GDPD3: variants seen among roughly 807,000 people sequenced by gnomAD.
The protein encoded by GDPD3 is lysophospholipase D GDPD3.
In GDPD3, 40 loss-of-function variants were observed where a neutral mutation model predicts 43.7. The observed-to-expected ratio is 0.91, with a 90% CI of 0.71 to 1.19. The LOEUF (loss-of-function observed/expected upper bound fraction) is 1.19. Ranked by LOEUF, GDPD3 falls within the 50% of genes most tolerant of loss-of-function variation. The probability of loss-of-function intolerance (pLI) is 0.00; values close to 1 mark genes in which losing one functional copy is unlikely to be tolerated. For synonymous variants in GDPD3, 145 were observed against 162.9 expected (o/e 0.89, Z 0.84); for missense variants, 363 against 415.8 (o/e 0.87, Z 1.11).
chr16:30,111,451 A>T lies in GDPD3; in HGVS notation c.644T>A (p.Leu215Gln), dbSNP rs762853220. 6.2e-6 allele frequency: 10 copies of T among 1,613,918 alleles called. No homozygotes were observed. In the African/African-American group the frequency reaches 1.2e-4, roughly 19 times the overall value. ...CTCAGGGATTGGGATGAAGGGCAGC[A>T]GCCCCAGGTAGTAGGAAAGCAGCAC... ...FWVLLSYYLG[L>Q]LPFIPIPEKF... Residue 215 changes from leucine to glutamine, a missense_variant, in exon 7 of 10, where the codon CTG becomes CAG. By Grantham distance (113) the Leu-to-Gln change is moderately radical. Transcript: ENST00000406256.
chr16:30,106,208 G>A (rs975581094), intron 9 of GDPD3, among the ~76,000 whole-genome samples: 1 of 152,144 alleles, frequency 6.6e-6, no homozygotes, highest in East Asian at 1.9e-4. Context: ...TCCTATTACT[G>A]TGTTCTTGAA....
At position 30,113,365 on chromosome 16, in the gene GDPD3, G is replaced by A; in HGVS notation, c.114C>T (p.Arg38=). 5 of 1,608,442 alleles carry A rather than the reference G, an allele frequency of 3.1e-6. No homozygotes were observed. Among genetic ancestry groups the A allele is most frequent in the Non-Finnish European group, 4.2e-6 (5 of 1,176,812 alleles). Residue 38 remains arginine (R), a synonymous_variant, in exon 1 of 10, where the codon CGC becomes CGT. Coordinates refer to ENST00000406256, the MANE Select transcript of GDPD3 (RefSeq NM_024307.3). This position sits in a 1 kb window ranked among gnomAD's most constrained non-coding sequence, Gnocchi z 5.9. ...CTCCTCGGTGGGCCCCCAGGCGGAT[G>A]CGGAAGGTGGGAGCCCTGGGCGTGT... ...LLHTPRAPTF[R]IRLGAHRGGS... is the part of the protein sequence containing the mutation.
chr16:30,111,019 C>G lies in GDPD3; in HGVS notation c.707+369G>C, dbSNP rs561661479. On this transcript the variant is annotated intron_variant, in intron 7 of 9. Transcript: ENST00000406256. ...TTTCCTGCTGAGGGTCTGAGACAGC[C>G]GTGCTATAATTAATGAACGAATGTC... 1.7e-3 allele frequency: 282 copies of G among 166,678 alleles called. 1 individual carries two copies. The highest frequency in any genetic ancestry group is 2.8e-3 in the Middle Eastern group (1 of 354). 10.3% of individuals were successfully genotyped at this position (166,678 alleles called of 1,614,324 possible). A position where few individuals can be genotyped will look rare whatever the true frequency, so the allele number is the denominator to read the frequency against.
chr16:30,106,580 G>A (rs2072862522), intron 9 of GDPD3, among the ~76,000 whole-genome samples: 1 of 152,118 alleles, frequency 6.6e-6, no homozygotes, highest in Non-Finnish European at 1.5e-5. Context: ...TGCCAACACT[G>A]GAGTGCAGTG....
rs547543193 is a variant in GDPD3, at chr16:30,113,435, T to C, written c.44A>G (p.Tyr15Cys). ...CAGGAAGAAGATGGAGAGCATGGCA[T>C]AGCTGCCCAGGGCAGGGAGGGCATA... ...LYYALPALGS[Y>C]AMLSIFFLRR... The change falls in exon 1 of 10, where the codon TAT becomes TGT. Residue 15 changes from tyrosine to cysteine, a missense_variant. Tyr to Cys is a radical substitution (Grantham distance 194). Transcript: ENST00000406256. The surrounding 1 kb of genome is among the most constrained non-coding windows in gnomAD (Gnocchi z 5.9). 58 of 1,610,446 alleles carry C rather than the reference T, an allele frequency of 3.6e-5. No homozygotes were observed. The highest frequency in any genetic ancestry group is 3.3e-4 in the African/African-American group (25 of 74,966).
At chr16:30,105,326 A>G (rs916816836) in intron 9 of GDPD3, among the ~76,000 whole-genome samples, 2 of 151,940 alleles carry the variant, frequency 1.3e-5, no homozygotes, top group Non-Finnish European at 2.9e-5. Flanking sequence ...GTGTGGTGGT[A>G]TGCGCCTGTG....
chr16:30,112,942 G>C lies in GDPD3; in HGVS notation c.182+80C>G. On this transcript the variant is annotated intron_variant, in intron 2 of 9. Coordinates refer to ENST00000406256, the MANE Select transcript of GDPD3 (RefSeq NM_024307.3). The surrounding 1 kb of genome is among the most constrained non-coding windows in gnomAD (Gnocchi z 5.4). ...GGCGCCAGTCACCCAGCTAGGAAGT[G>C]AATGGCGTCCCTTGCTGTGATGCAG... 6.6e-7 allele frequency: 1 copy of C among 1,514,350 alleles called. No individual in the cohort carries two copies. The highest frequency in any genetic ancestry group is 1.7e-5 in the Admixed American group (1 of 57,246). 93.8% of individuals were successfully genotyped at this position (1,514,350 alleles called of 1,614,324 possible). A position where few individuals can be genotyped will look rare whatever the true frequency, so the allele number is the denominator to read the frequency against.
At chr16:30,105,293 CT>C (rs1031131807) in intron 9 of GDPD3, among the ~76,000 whole-genome samples, 2 of 151,886 alleles carry the variant, frequency 1.3e-5, no homozygotes, top group Admixed American at 6.6e-5. Context: ...CTACAAAAAA[CT>C]TTGTAAAAAT....
At chr16:30,111,588 C>CA in intron 6 of GDPD3, 67 bp from the exon 7 acceptor site, 1 of 1,566,940 alleles carries the variant, frequency 6.4e-7, no homozygotes. Flanking sequence ...GCATGAGCTG[C>CA]AGGGGAGCCG....
At chr16:30,108,832 A>T (rs1002689126) in intron 7 of GDPD3, among the ~76,000 whole-genome samples, 5 of 151,572 alleles carry the variant, frequency 3.3e-5, no homozygotes, top group African/African-American at 4.8e-5. Flanking sequence ...ATTAATTTAA[A>T]TTAATTTTTT....
intron 9 of GDPD3, among the ~76,000 whole-genome samples, chr16:30,105,456 C>CAA (rs371773622): frequency 4.0e-4 from 44 of 111,054 alleles, no homozygotes; most frequent in African/African-American, 1.3e-3. Flanking sequence ...GACCTCGTCT[C>CAA]AAAAAAAAAA....
chr16:30,108,979 C>T (rs1319763578), intron 7 of GDPD3, among the ~76,000 whole-genome samples: 2 of 151,590 alleles, frequency 1.3e-5, no homozygotes, highest in Non-Finnish European at 2.9e-5. Flanking sequence ...CTACAGGTGC[C>T]CGCCACCACG....
Position 30,112,813 on chromosome 16 carries a change from C to T in GDPD3, c.183-20G>A, listed in dbSNP as rs58842311. The T allele has an allele frequency of 8.1e-6, 13 of 1,600,972 alleles. No homozygotes were observed. The highest frequency in any genetic ancestry group is 2.7e-5 in the African/African-American group (2 of 73,842). On this transcript the variant is annotated intron_variant, in intron 2 of 9. Coordinates refer to ENST00000406256, the MANE Select transcript of GDPD3 (RefSeq NM_024307.3). This position sits in a 1 kb window ranked among gnomAD's most constrained non-coding sequence, Gnocchi z 5.4. ...ATGGAGCTGTGGGGGTGAAGGTCAG[C>T]GGGGGGCAGGGGCAGGGGACTGGGA... is the stretch of plus-strand genomic sequence containing the variant.
chr16:30,108,115 G>T, intron 9 of GDPD3, 98 bp downstream of exon 9: 1 of 1,034,246 alleles, frequency 9.7e-7, no homozygotes. Flanking sequence ...ACTGAGGTGA[G>T]GTCACCTGCC....
Position 30,112,229 on chromosome 16 carries a change from G to C in GDPD3, c.484-8C>G. The stretch of plus-strand genomic sequence containing the variant: ...TCTCACCAAGCCTGCTATCTGGGAG[G>C]AGGAGAAGGAGGTGAAGGGAGAGCC... On this transcript the variant is annotated splice_polypyrimidine_tract_variant and splice_region_variant and intron_variant, in intron 5 of 9. Transcript: ENST00000406256. This position sits in a 1 kb window ranked among gnomAD's most constrained non-coding sequence, Gnocchi z 5.4. The C allele has an allele frequency of 1.9e-6, 3 of 1,614,042 alleles. No individual in the cohort carries two copies. Among genetic ancestry groups the C allele is most frequent in the Non-Finnish European group, 2.5e-6 (3 of 1,179,872 alleles).
chr16:30,105,054 A>C, intron 9 of GDPD3, 45 bp from the exon 10 acceptor site: 2 of 1,537,236 alleles, frequency 1.3e-6, no homozygotes, highest in Non-Finnish European at 1.8e-6. Context: ...ACAATTTTAC[A>C]TCTGGAGAGT....
Position 30,112,946 on chromosome 16 carries a change from G to A in GDPD3, c.182+76C>T, listed in dbSNP as rs1161405237. On this transcript the variant is annotated intron_variant, in intron 2 of 9. Coordinates refer to ENST00000406256, the MANE Select transcript of GDPD3 (RefSeq NM_024307.3). This position sits in a 1 kb window ranked among gnomAD's most constrained non-coding sequence, Gnocchi z 5.4. ...CCAGTCACCCAGCTAGGAAGTGAAT[G>A]GCGTCCCTTGCTGTGATGCAGTCCA... 2 of 1,518,270 alleles carry A rather than the reference G, an allele frequency of 1.3e-6. No homozygotes were observed. Among genetic ancestry groups the A allele is most frequent in the African/African-American group, 2.7e-5 (2 of 73,174 alleles). 94.0% of individuals were successfully genotyped at this position (1,518,270 alleles called of 1,614,324 possible).
rs1016148599 is a variant in GDPD3, at chr16:30,105,795, G to A, written c.820-786C>T. On this transcript the variant is annotated intron_variant, in intron 9 of 9. Coordinates refer to ENST00000406256, the MANE Select transcript of GDPD3 (RefSeq NM_024307.3). ...TGGGATTACAGGTGTGAGCCACCGCGCCCGGCCCTAAATAAATTATTAAAA... is the reference window on the plus strand; with the variant it reads ...TGGGATTACAGGTGTGAGCCACCGCACCCGGCCCTAAATAAATTATTAAAA... Among the ~76,000 whole-genome samples, 7 of 146,068 alleles carry A rather than the reference G, an allele frequency of 4.8e-5. No homozygotes were observed. The South Asian group carries it at 7.2e-4, about 15-fold the overall frequency.
At position 30,113,192 on chromosome 16, in the gene GDPD3, C is replaced by T. The variant is rs893048040; in HGVS notation, c.140-128G>A. Reference sequence around the variant, plus strand: ...TCACCTCCCCAGCCAGCCCAGGCTGCGCCAGCATCTTCTTCCTCGTCCACA... The same window carrying T: ...TCACCTCCCCAGCCAGCCCAGGCTGTGCCAGCATCTTCTTCCTCGTCCACA... On this transcript the variant is annotated intron_variant, in intron 1 of 9. Transcript: ENST00000406256. The surrounding 1 kb of genome is among the most constrained non-coding windows in gnomAD (Gnocchi z 5.9). 31 of 1,350,496 alleles carry T rather than the reference C, an allele frequency of 2.3e-5. 1 individual carries two copies. Among genetic ancestry groups the T allele is most frequent in the East Asian group, 9.2e-5 (4 of 43,480 alleles). 83.7% of individuals were successfully genotyped at this position (1,350,496 alleles called of 1,614,324 possible).
Sources: gnomAD v4.1 joint callset for allele counts (sites outside exome capture counted in the v4.1 genomes callset) on GRCh38, gnomAD v4.1.1 for gene constraint, Gnocchi (gnomAD v3.1) non-coding constraint, MANE v1.5 for transcripts, NCBI Gene and HGNC (gene_info 2026-07-23, HGNC 2026-07-21) for gene names.